Variants in MGAT4C observed in about 807,000 individuals in gnomAD.
MGAT4C encodes MGAT4 family member C, also known as alpha-1,3-mannosyl-glycoprotein 4-beta-N-acetylglucosaminyltransferase C.
A neutral mutation model predicts 40.1 loss-of-function variants in MGAT4C; 19 were observed. The observed-to-expected ratio is 0.47, with a 90% CI of 0.33 to 0.70. The LOEUF (loss-of-function observed/expected upper bound fraction) is 0.70. MGAT4C is among the 30% of genes least tolerant of loss of function. MGAT4C has a pLI of 0.02. For missense variants in MGAT4C, 491 were observed against 563.2 expected (o/e 0.87, Z 1.30); for synonymous variants, 181 against 187.1 (o/e 0.97, Z 0.27).
At chr12:86,016,645 C>G (rs2136843749) in intron 2 of MGAT4C, among the ~76,000 whole-genome samples, 1 of 152,292 alleles carries the variant, frequency 6.6e-6, no homozygotes, top group Non-Finnish European at 1.5e-5. Context: ...CTGGATTTCC[C>G]ACCTCTGATT....
chr12:85,991,137 A>T (rs1262448937), intron 2 of MGAT4C, among the ~76,000 whole-genome samples: 1 of 152,150 alleles, frequency 6.6e-6, no homozygotes, highest in Non-Finnish European at 1.5e-5. Context: ...CTCTGTAGAC[A>T]GGTCAACCTG....
chr12:86,036,234 TA>T (rs1176374652), intron 2 of MGAT4C, among the ~76,000 whole-genome samples: 3 of 150,130 alleles, frequency 2.0e-5, no homozygotes, highest in Non-Finnish European at 3.0e-5. Context: ...TGGGGTTTTC[TA>T]AATATACAAT....
rs1275677816 is a variant in MGAT4C, at chr12:86,172,304, CA to C, written c.-57+83934del. The stretch of plus-strand genomic sequence containing the variant: ...TTATTTTCACCAAGCTAAATTTCTT[CA>C]TCTACATAATTGGATAATAGTCAAA... On this transcript the variant is annotated intron_variant, in intron 1 of 4. Transcript: ENST00000611864. Among the ~76,000 whole-genome samples the C allele has an allele frequency of 2.6e-5, 4 of 152,100 alleles. No individual in the cohort carries two copies. In the East Asian group the frequency reaches 7.7e-4, roughly 29 times the overall value.
intron 1 of MGAT4C, among the ~76,000 whole-genome samples, chr12:86,125,449 A>G (rs889335743): frequency 6.6e-6 from 1 of 152,188 alleles, no homozygotes; most frequent in African/African-American, 2.4e-5. Flanking sequence ...GGTTCAGCCA[A>G]GTAAAATAAC....
chr12:86,374,186 T>C (rs1022031304), intron 3 of MGAT4C, among the ~76,000 whole-genome samples: 1 of 152,072 alleles, frequency 6.6e-6, no homozygotes, highest in African/African-American at 2.4e-5. Context: ...GCAAGTATCA[T>C]CAGTGTGAGC....
intron 1 of MGAT4C, among the ~76,000 whole-genome samples, chr12:86,763,096 T>A (rs746424064): frequency 4.6e-5 from 7 of 152,148 alleles, no homozygotes; most frequent in Non-Finnish European, 1.0e-4. Context: ...AAGAACATAA[T>A]GAAGTACAAG....
intron 2 of MGAT4C, among the ~76,000 whole-genome samples, chr12:86,646,589 G>C (rs1001674430): frequency 6.6e-6 from 1 of 151,668 alleles, no homozygotes; most frequent in African/African-American, 2.4e-5. Flanking sequence ...CATTTTATGC[G>C]GCCCTGGCTA....
intron 1 of MGAT4C, among the ~76,000 whole-genome samples, chr12:86,237,798 CAG>C (rs922879598): frequency 1.1e-4 from 16 of 152,014 alleles, no homozygotes; most frequent in African/African-American, 3.1e-4. Flanking sequence ...AAAAGTGACA[CAG>C]TGTAATTAAC....
intron 2 of MGAT4C, among the ~76,000 whole-genome samples, chr12:86,475,484 C>G (rs764197721): frequency 6.6e-6 from 1 of 151,796 alleles, no homozygotes; most frequent in African/African-American, 2.4e-5. Flanking sequence ...GTTGGAATAA[C>G]TGCATAATTT....
At chr12:86,416,082 T>C (rs1157840391) in intron 3 of MGAT4C, among the ~76,000 whole-genome samples, 1 of 152,036 alleles carries the variant, frequency 6.6e-6, no homozygotes, top group Non-Finnish European at 1.5e-5. Flanking sequence ...TACACATTTG[T>C]ATATAATAGA....
intron 4 of MGAT4C, among the ~76,000 whole-genome samples, chr12:86,270,721 C>A (rs1952924685): frequency 6.6e-6 from 1 of 152,100 alleles, no homozygotes; most frequent in African/African-American, 2.4e-5. Context: ...TGCAAGCAAT[C>A]CTGAGCTGAA....
At chr12:86,047,090 C>A (rs1892469790) in intron 2 of MGAT4C, among the ~76,000 whole-genome samples, 1 of 151,934 alleles carries the variant, frequency 6.6e-6, no homozygotes, top group Admixed American at 6.6e-5. Context: ...AAAACAAAGC[C>A]CTTTGGAGTC....
At chr12:86,093,797 C>T (rs539540335) in intron 1 of MGAT4C, among the ~76,000 whole-genome samples, 5 of 152,034 alleles carry the variant, frequency 3.3e-5, no homozygotes, top group African/African-American at 1.2e-4. Context: ...TTTTAAATTA[C>T]TCTTATTTAC....
intron 2 of MGAT4C, among the ~76,000 whole-genome samples, chr12:86,029,588 G>A (rs1054260184): frequency 6.6e-6 from 1 of 151,880 alleles, no homozygotes; most frequent in Non-Finnish European, 1.5e-5. Flanking sequence ...AAGTAGAGAG[G>A]AGAACCTGCT....
chr12:86,108,254 T>A (rs2135627083), intron 1 of MGAT4C, among the ~76,000 whole-genome samples: 1 of 152,164 alleles, frequency 6.6e-6, no homozygotes, highest in Admixed American at 6.6e-5. Context: ...TGGCCCTCAT[T>A]AATGTTAAAA....
chr12:86,599,503 T>C (rs1961681158), intron 2 of MGAT4C: 1 of 152,190 alleles, frequency 6.6e-6, no homozygotes, highest in Non-Finnish European at 1.5e-5. Flanking sequence ...CTTCATTTGA[T>C]TTAGACTGCA....
chr12:86,132,373 T>C (rs772789779), intron 1 of MGAT4C, among the ~76,000 whole-genome samples: 1 of 152,140 alleles, frequency 6.6e-6, no homozygotes, highest in Non-Finnish European at 1.5e-5. Flanking sequence ...TCTTTTTTTT[T>C]GCCTGAATTT....
chr12:86,034,274 G>C (rs1478094590), intron 2 of MGAT4C, among the ~76,000 whole-genome samples: 3 of 149,662 alleles, frequency 2.0e-5, no homozygotes, highest in Admixed American at 6.7e-5. Flanking sequence ...CCTAGAATGA[G>C]TTAGGAAGGA....
intron 4 of MGAT4C, among the ~76,000 whole-genome samples, chr12:86,317,757 G>T (rs894600349): frequency 6.6e-6 from 1 of 151,806 alleles, no homozygotes; most frequent in African/African-American, 2.4e-5. Flanking sequence ...ATCTTGTAAA[G>T]AAGTGAATTA....
Sources: allele counts gnomAD v4.1 joint callset (sites outside exome capture counted in the v4.1 genomes callset), GRCh38; gene constraint gnomAD v4.1.1; transcripts MANE v1.5; gene names NCBI Gene and HGNC (gene_info 2026-07-23, HGNC 2026-07-21).